The following DSG2 variants were observed in gnomAD, a reference collection of about 807,000 sequenced individuals.
The protein encoded by DSG2 is desmoglein 2, also known as desmoglein-2.
In DSG2, 45 loss-of-function variants were observed where a neutral mutation model predicts 75.6. That is an observed-to-expected ratio of 0.60 (90% CI 0.47 to 0.76). DSG2 has a LOEUF of 0.76. DSG2 is among the 30% of genes least tolerant of loss of function. The pLI, the probability that DSG2 is intolerant of heterozygous loss-of-function variation, is 0.00. For synonymous variants in DSG2, 429 were observed against 483.9 expected (o/e 0.89, Z 1.49); for missense variants, 1,267 against 1,357.4 (o/e 0.93, Z 1.05).
intron 1 of DSG2, among the ~76,000 whole-genome samples, chr18:31,509,149 G>A (rs1026848791): frequency 2.0e-5 from 3 of 152,216 alleles, no homozygotes; most frequent in Non-Finnish European, 4.4e-5. Flanking sequence ...AGAATTCACA[G>A]CATGAATGAA....
At chr18:31,535,149 CA>C in intron 9 of DSG2, 120 bp from the exon 10 acceptor site, 1 of 753,234 alleles carries the variant, frequency 1.3e-6, no homozygotes, top group Non-Finnish European at 2.2e-6. Context: ...ACATTCAAAA[CA>C]AATGCCTGTA....
intron 1 of DSG2, among the ~76,000 whole-genome samples, chr18:31,506,126 G>A (rs958649702): frequency 2.0e-5 from 3 of 152,106 alleles, no homozygotes; most frequent in African/African-American, 7.2e-5. Flanking sequence ...TCCGCTGTGT[G>A]CCAGTCACTG....
intron 13 of DSG2, 95 bp from the exon 14 acceptor site, chr18:31,542,425 C>T: frequency 7.4e-7 from 1 of 1,343,876 alleles, no homozygotes. Flanking sequence ...ATAGCTTATA[C>T]CTTCCTATGC....
chr18:31,515,176 G>A (rs1243296313), intron 1 of DSG2, among the ~76,000 whole-genome samples: 9 of 151,426 alleles, frequency 5.9e-5, no homozygotes, highest in South Asian at 2.1e-4. Flanking sequence ...GATCTCGGCC[G>A]ACTGCAAACT....
chr18:31,542,357 A>T (rs776215190), intron 13 of DSG2, 163 bp from the exon 14 acceptor site: 1 of 724,736 alleles, frequency 1.4e-6, no homozygotes, highest in Non-Finnish European at 2.4e-6. Context: ...GGAGATCTTC[A>T]TAAGACTTAC....
intron 2 of DSG2, 120 bp downstream of exon 2, chr18:31,518,394 AT>A: frequency 1.1e-6 from 1 of 872,316 alleles, no homozygotes; most frequent in South Asian, 1.4e-5. Flanking sequence ...AGCCATTCCC[AT>A]TCAAACAAGT....
At position 31,510,957 on chromosome 18, in the gene DSG2, A is replaced by G. The variant is rs139659917; in HGVS notation, c.46-7282A>G. Among the ~76,000 whole-genome samples, 1,205 of 152,304 alleles carry G rather than the reference A, an allele frequency of 7.9e-3. 15 individuals carry two copies. Among genetic ancestry groups the G allele is most frequent in the African/African-American group, 0.027 (1,120 of 41,558 alleles). On this transcript the variant is annotated intron_variant, in intron 1 of 14. Coordinates refer to ENST00000261590, the MANE Select transcript of DSG2 (RefSeq NM_001943.5). The stretch of plus-strand genomic sequence containing the variant: ...CCCATGCTTGAAACCTCTTCACAGC[A>G]TCCCCACAGGAGGTGACTCAAACTT...
Position 31,545,983 on chromosome 18 carries a change from C to T in DSG2, c.2597C>T (p.Ala866Val), listed in dbSNP as rs553730922. 33 of 1,614,178 alleles carry T rather than the reference C, an allele frequency of 2.0e-5. No individual in the cohort carries two copies. In the South Asian group the frequency reaches 3.4e-4, roughly 17 times the overall value. Reference sequence around the variant, plus strand: ...GCCACAGAAACAAGTATGAACACAGCTTCACATTCACTCTGTGAGCAAACT... The same window carrying T: ...GCCACAGAAACAAGTATGAACACAGTTTCACATTCACTCTGTGAGCAAACT... ...KPATETSMNT[A>V]SHSLCEQTMV... The change falls in exon 15 of 15, where the codon GCT (alanine) becomes GTT (valine). Residue 866 changes from alanine to valine, a missense_variant. Coordinates refer to ENST00000261590, the MANE Select transcript of DSG2 (RefSeq NM_001943.5).
chr18:31,522,352 T>C, intron 6 of DSG2, 103 bp downstream of exon 6: 1 of 1,159,486 alleles, frequency 8.6e-7, no homozygotes, highest in Admixed American at 1.8e-5. Context: ...GTATTCCTTA[T>C]CCATAGGATA....
At chr18:31,542,383 C>T (rs1158570877) in intron 13 of DSG2, 137 bp from the exon 14 acceptor site, 7 of 856,698 alleles carry the variant, frequency 8.2e-6, no homozygotes, top group Non-Finnish European at 1.2e-5. Flanking sequence ...TTATTCAACT[C>T]AAAATACTTT....
rs1165998254 is a variant in DSG2, at chr18:31,508,581, ATGGAGT to A, written c.46-9656_46-9651del. On this transcript the variant is annotated intron_variant, in intron 1 of 14. Transcript: ENST00000261590. Reference sequence around the variant, plus strand: ...GCTAATTTTTGTATTTTTAGTAGAGATGGAGTTTCACCATGTTGGCCAGGTTAGTCT... The same window carrying A: ...GCTAATTTTTGTATTTTTAGTAGAGATTCACCATGTTGGCCAGGTTAGTCT... Among the ~76,000 whole-genome samples, 7 of 151,974 alleles carry A rather than the reference ATGGAGT, an allele frequency of 4.6e-5. No individual in the cohort carries two copies. The South Asian group carries it at 1.2e-3, about 27-fold the overall frequency.
intron 9 of DSG2, among the ~76,000 whole-genome samples, chr18:31,534,479 G>A (rs578106083): frequency 6.9e-6 from 1 of 145,294 alleles, no homozygotes; most frequent in South Asian, 2.2e-4. Flanking sequence ...CAGAAAATTT[G>A]TAGATGCTTC....
Position 31,524,683 on chromosome 18 carries a change from C to T in DSG2, c.829-20C>T. 6.2e-7 allele frequency: 1 copy of T among 1,613,728 alleles called. No individual in the cohort carries two copies. Among genetic ancestry groups the T allele is most frequent in the East Asian group, 2.2e-5 (1 of 44,858 alleles). On this transcript the variant is annotated intron_variant, in intron 7 of 14. Coordinates refer to ENST00000261590, the MANE Select transcript of DSG2 (RefSeq NM_001943.5). ...ATTTGTATTTCATTGAAATAAAAAT[C>T]ATGTGTTCATGTTTTGCAGCTTGAA...
At position 31,548,692 on chromosome 18, in the gene DSG2, G is replaced by A. The variant is rs2073332230; in HGVS notation, c.*1949G>A. 1 of 152,070 alleles carries A rather than the reference G, an allele frequency of 6.6e-6. No individual in the cohort carries two copies. The highest frequency in any genetic ancestry group is 1.5e-5 in the Non-Finnish European group (1 of 68,022). 9.4% of individuals were successfully genotyped at this position (152,070 alleles called of 1,614,324 possible). ...TTAAGCTTCCACCTTGAGCAGCCTT[G>A]GAAACCTAACCTGCCTCTTTTAGCA... On this transcript the variant is annotated 3_prime_UTR_variant, in exon 15 of 15. Coordinates refer to ENST00000261590, the MANE Select transcript of DSG2 (RefSeq NM_001943.5).
chr18:31,521,573 AG>A (rs2073128570), intron 5 of DSG2, among the ~76,000 whole-genome samples: 1 of 152,190 alleles, frequency 6.6e-6, no homozygotes, highest in Non-Finnish European at 1.5e-5. Flanking sequence ...TTACAAAAAC[AG>A]GTGGCTGGTT....
chr18:31,505,980 T>G (rs905833628), intron 1 of DSG2, among the ~76,000 whole-genome samples: 4 of 152,202 alleles, frequency 2.6e-5, no homozygotes, highest in Non-Finnish European at 4.4e-5. Flanking sequence ...TTAAATTTTA[T>G]GCATTTAGCA....
chr18:31,526,918 G>T (rs928720215), intron 8 of DSG2, among the ~76,000 whole-genome samples: 4 of 152,088 alleles, frequency 2.6e-5, no homozygotes, highest in Non-Finnish European at 5.9e-5. Context: ...AGAAGTTATG[G>T]TAAGCTAAGC....
intron 1 of DSG2, among the ~76,000 whole-genome samples, chr18:31,509,539 G>A (rs1408466099): frequency 6.6e-6 from 1 of 151,982 alleles, no homozygotes; most frequent in African/African-American, 2.4e-5. Flanking sequence ...CTGTAAGTTG[G>A]ACTTTTAAGT....
rs376784940 is a variant in DSG2 at position 31,536,402 on chromosome 18, G to C, written c.1624G>C (p.Glu542Gln). The C allele has an allele frequency of 2.5e-6, 4 of 1,613,776 alleles. No individual in the cohort carries two copies. The African/African-American group carries it at 5.3e-5, about 22-fold the overall frequency. ...SVIDKPPGMA[E>Q]KWKIARQEST... ...CATTGACAAACCACCTGGCATGGCA[G>C]AAAAATGGAAAATAGCACGCCAAGA... The change falls in exon 11 of 15, where the codon GAA (glutamate) becomes CAA (glutamine). Residue 542 changes from glutamate to glutamine, a missense_variant. By Grantham distance (29) the Glu-to-Gln change is conservative. Coordinates refer to ENST00000261590, the MANE Select transcript of DSG2 (RefSeq NM_001943.5).
Sources: allele counts gnomAD v4.1 joint callset (sites outside exome capture counted in the v4.1 genomes callset), GRCh38; gene constraint gnomAD v4.1.1; transcripts MANE v1.5; gene names NCBI Gene and HGNC (gene_info 2026-07-23, HGNC 2026-07-21).